The following PCDHGA2 variants were observed in gnomAD, a reference collection of about 807,000 sequenced individuals.
The protein encoded by PCDHGA2 is protocadherin gamma-A2.
Under a neutral mutation model 59.2 loss-of-function variants are expected in PCDHGA2, and 40 were observed. The ratio of observed to expected loss-of-function variants is 0.68; its 90% CI spans 0.52 to 0.88. PCDHGA2 has a LOEUF of 0.88. PCDHGA2 is among the 40% of genes least tolerant of loss of function. PCDHGA2 has a pLI of 0.00. For synonymous variants in PCDHGA2, 560 were observed against 526.0 expected (o/e 1.06, Z -0.89); for missense variants, 1,226 against 1,204.0 (o/e 1.02, Z -0.27).
At chr5:141,370,888 A>T (rs765704496) in intron 1 of PCDHGA2, 3 of 1,614,036 alleles carry the variant, frequency 1.9e-6, no homozygotes, top group Non-Finnish European at 2.5e-6. Flanking sequence ...GTAGGTGTCA[A>T]TTCGCTGCAG....
intron 1 of PCDHGA2, chr5:141,403,694 C>A (rs746395931): frequency 2.5e-6 from 4 of 1,613,878 alleles, no homozygotes; most frequent in Admixed American, 1.7e-5. Context: ...ACGGATTTAC[C>A]GAGTTAAAGT....
At chr5:141,374,285 T>A in intron 1 of PCDHGA2, 1 of 1,613,970 alleles carries the variant, frequency 6.2e-7, no homozygotes. Flanking sequence ...CCGCATCGTC[T>A]CCAGAGGTAG....
intron 1 of PCDHGA2, chr5:141,395,539 TG>T: frequency 9.6e-6 from 2 of 208,432 alleles, no homozygotes; most frequent in Non-Finnish European, 1.6e-5. Flanking sequence ...ATTTTGCTAT[TG>T]TTTGTGTGTG....
chr5:141,489,729 C>T lies in PCDHGA2; in HGVS notation c.2425-5078C>T, dbSNP rs760195181. ...ACAGTGCCCAGGATCCGGATGTGGGCACCAATACTGTGAGCTTTTACACTC... is the reference window on the plus strand; with the variant it reads ...ACAGTGCCCAGGATCCGGATGTGGGTACCAATACTGTGAGCTTTTACACTC... On this transcript the variant is annotated intron_variant, in intron 1 of 3. Transcript: ENST00000394576. The surrounding 1 kb of genome is among the most constrained non-coding windows in gnomAD (Gnocchi z 4.5). 2.5e-6 allele frequency: 4 copies of T among 1,614,152 alleles called. No individual in the cohort carries two copies. The highest frequency in any genetic ancestry group is 2.2e-5 in the East Asian group (1 of 44,876).
At chr5:141,421,721 T>G in intron 1 of PCDHGA2, 1 of 1,613,940 alleles carries the variant, frequency 6.2e-7, no homozygotes, top group Non-Finnish European at 8.5e-7. Flanking sequence ...GATGTGGGCG[T>G]GAACTCCCTC....
Position 141,339,088 on chromosome 5 carries a change from C to T in PCDHGA2, c.117C>T (p.Ile39=), listed in dbSNP as rs766470458. 9.3e-6 allele frequency: 15 copies of T among 1,614,200 alleles called. No individual in the cohort carries two copies. The highest frequency in any genetic ancestry group is 1.3e-5 in the Non-Finnish European group (15 of 1,180,014). ...GQIRYSVREE[I]DRGSFVGNIA... ...TTCGCTATTCTGTGCGGGAAGAGATCGACAGAGGCTCCTTCGTAGGCAACA... is the reference window on the plus strand; with the variant it reads ...TTCGCTATTCTGTGCGGGAAGAGATTGACAGAGGCTCCTTCGTAGGCAACA... The change falls in exon 1 of 4, where the codon ATC becomes ATT. Residue 39 remains isoleucine, a synonymous_variant. Coordinates refer to ENST00000394576, the MANE Select transcript of PCDHGA2 (RefSeq NM_018915.4).
rs2097542578 is a variant in PCDHGA2 at position 141,432,849 on chromosome 5, T to C, written c.2425-61958T>C. On this transcript the variant is annotated intron_variant, in intron 1 of 3. Coordinates refer to ENST00000394576, the MANE Select transcript of PCDHGA2 (RefSeq NM_018915.4). The surrounding 1 kb of genome is among the most constrained non-coding windows in gnomAD (Gnocchi z 6.0). ...CTCACTCTGTACCTGGTGGTAGCGG[T>C]GGCCGCGGTCTCCTGCGTCTTCCTG... 2 of 1,614,076 alleles carry C rather than the reference T, an allele frequency of 1.2e-6. No individual in the cohort carries two copies. Among genetic ancestry groups the C allele is most frequent in the South Asian group, 1.1e-5 (1 of 91,096 alleles).
Position 141,399,737 on chromosome 5 carries a change from C to T in PCDHGA2, c.2424+58342C>T, listed in dbSNP as rs888467903. The T allele has an allele frequency of 2.5e-6, 4 of 1,613,296 alleles. No homozygotes were observed. In the South Asian group the frequency reaches 3.3e-5, roughly 13 times the overall value. On this transcript the variant is annotated intron_variant, in intron 1 of 3. Coordinates refer to ENST00000394576, the MANE Select transcript of PCDHGA2 (RefSeq NM_018915.4). Reference sequence around the variant, plus strand: ...CAGGCCCGCGACCAGGGCTCGCCTGCGCTCAGCGCAAACGTGAGCCTGCGC... The same window carrying T: ...CAGGCCCGCGACCAGGGCTCGCCTGTGCTCAGCGCAAACGTGAGCCTGCGC...
chr5:141,344,829 G>A, intron 1 of PCDHGA2: 1 of 1,613,956 alleles, frequency 6.2e-7, no homozygotes, highest in Non-Finnish European at 8.5e-7. Flanking sequence ...CACGGTGAAT[G>A]CCACTGACCC....
chr5:141,490,796 A>G lies in PCDHGA2; in HGVS notation c.2425-4011A>G. ...CCAGAGGATGGACGGATCTTTGCCC[A>G]GCGTACCTTTGACTATGAATTGCTG... On this transcript the variant is annotated intron_variant, in intron 1 of 3. Coordinates refer to ENST00000394576, the MANE Select transcript of PCDHGA2 (RefSeq NM_018915.4). The surrounding 1 kb of genome is among the most constrained non-coding windows in gnomAD (Gnocchi z 5.4). The G allele has an allele frequency of 6.2e-7, 1 of 1,613,978 alleles. No individual in the cohort carries two copies. The highest frequency in any genetic ancestry group is 8.5e-7 in the Non-Finnish European group (1 of 1,179,904).
chr5:141,476,039 C>T lies in PCDHGA2; in HGVS notation c.2425-18768C>T. The T allele has an allele frequency of 1.3e-6, 2 of 1,484,358 alleles. No homozygotes were observed. The highest frequency in any genetic ancestry group is 1.8e-6 in the Non-Finnish European group (2 of 1,117,328). The allele number at this position is 1,484,358 out of a possible 1,614,324, so 91.9% of individuals were successfully genotyped here. On this transcript the variant is annotated intron_variant, in intron 1 of 3. Coordinates refer to ENST00000394576, the MANE Select transcript of PCDHGA2 (RefSeq NM_018915.4). The surrounding 1 kb of genome is among the most constrained non-coding windows in gnomAD (Gnocchi z 7.6). Reference sequence around the variant, plus strand: ...TCGGACTCGGCGCCCAGCGCCCAAGCGCTAACCCGCTGAAAGTTTCTCAGC... The same window carrying T: ...TCGGACTCGGCGCCCAGCGCCCAAGTGCTAACCCGCTGAAAGTTTCTCAGC...
rs372031191 is a variant in PCDHGA2, at chr5:141,395,092, C to T, written c.2424+53697C>T. 3.2e-5 allele frequency: 52 copies of T among 1,614,088 alleles called. No homozygotes were observed. The highest frequency in any genetic ancestry group is 4.2e-5 in the Non-Finnish European group (50 of 1,180,040). On this transcript the variant is annotated intron_variant, in intron 1 of 3. Transcript: ENST00000394576. ...ACCTATTCCCAGGAAGTCTCCCTCA[C>T]CGCCGACTCGCGGAAGAGTCACCTG...
At chr5:141,344,557 A>G (rs147973403) in intron 1 of PCDHGA2, 75 of 1,614,004 alleles carry the variant, frequency 4.6e-5, no homozygotes, top group Middle Eastern at 1.6e-4. Flanking sequence ...CTTAGCCCCA[A>G]TGACTACTTC....
Position 141,431,682 on chromosome 5 carries a change from A to C in PCDHGA2, c.2425-63125A>C. The C allele has an allele frequency of 1.2e-6, 2 of 1,614,232 alleles. No homozygotes were observed. Among genetic ancestry groups the C allele is most frequent in the Non-Finnish European group, 1.7e-6 (2 of 1,180,042 alleles). ...ACAATATCAACAATAGGGGAGTTGG[A>C]CCACGAGGAGTCAGGATTCTACCAG... On this transcript the variant is annotated intron_variant, in intron 1 of 3. Transcript: ENST00000394576. The surrounding 1 kb of genome is among the most constrained non-coding windows in gnomAD (Gnocchi z 4.8).
intron 2 of PCDHGA2, among the ~76,000 whole-genome samples, chr5:141,497,880 T>C (rs2099780200): frequency 6.6e-6 from 1 of 152,170 alleles, no homozygotes; most frequent in Non-Finnish European, 1.5e-5. Context: ...GAAATAAGCG[T>C]TAGGATCTAG....
At chr5:141,447,263 C>A (rs953578064) in intron 1 of PCDHGA2, among the ~76,000 whole-genome samples, 1 of 152,116 alleles carries the variant, frequency 6.6e-6, no homozygotes, top group Non-Finnish European at 1.5e-5. Context: ...TCTCAGCCTC[C>A]CAAGTAGCTG....
chr5:141,428,886 G>T (rs1002869474), intron 1 of PCDHGA2: 3 of 149,710 alleles, frequency 2.0e-5, no homozygotes, highest in Non-Finnish European at 2.9e-5. Context: ...ACGGAGTCTC[G>T]CTCTGTGGTC....
chr5:141,371,025 G>T (rs752262300), intron 1 of PCDHGA2: 9 of 1,613,988 alleles, frequency 5.6e-6, no homozygotes, highest in African/African-American at 1.3e-5. Flanking sequence ...TCACCACCTG[G>T]TCCTCACAGC....
At chr5:141,365,641 C>T (rs367688670) in intron 1 of PCDHGA2, 1 of 1,613,596 alleles carries the variant, frequency 6.2e-7, no homozygotes, top group African/African-American at 1.3e-5. Context: ...CAGAAAGCCA[C>T]ATCCCCTTGA....
Sources: allele counts gnomAD v4.1 joint callset (sites outside exome capture counted in the v4.1 genomes callset), GRCh38; gene constraint gnomAD v4.1.1; non-coding constraint Gnocchi (gnomAD v3.1); transcripts MANE v1.5; gene names NCBI Gene and HGNC (gene_info 2026-07-23, HGNC 2026-07-21).